KRT222: variants seen among roughly 807,000 people sequenced by gnomAD.
The protein encoded by KRT222 is keratin-like protein KRT222.
A neutral mutation model predicts 35.0 loss-of-function variants in KRT222; 23 were observed. The ratio of observed to expected loss-of-function variants is 0.66; its 90% CI spans 0.47 to 0.93. The LOEUF (loss-of-function observed/expected upper bound fraction) is 0.93. Ranked by LOEUF, KRT222 falls within the 40% of genes least tolerant of loss-of-function variation. The probability of loss-of-function intolerance (pLI) is 0.00; values close to 1 mark genes in which losing one functional copy is unlikely to be tolerated. For synonymous variants in KRT222, 108 were observed against 118.8 expected (o/e 0.91, Z 0.59); for missense variants, 339 against 346.3 (o/e 0.98, Z 0.17).
intron 1 of KRT222, among the ~76,000 whole-genome samples, chr17:40,664,738 G>A (rs1056986998): frequency 2.0e-5 from 3 of 152,188 alleles, no homozygotes; most frequent in African/African-American, 7.2e-5. Context: ...TTTATGGTAT[G>A]TTGACCCCAT....
intron 2 of KRT222, among the ~76,000 whole-genome samples, chr17:40,660,749 T>C (rs2037378424): frequency 2.4e-5 from 2 of 82,862 alleles, no homozygotes; most frequent in East Asian, 7.0e-4. Context: ...CCTGTGATAA[T>C]TCTTACTGAA....
chr17:40,656,337 G>A lies in KRT222; in HGVS notation c.*65C>T, dbSNP rs1044386510. 9.2e-7 allele frequency: 1 copy of A among 1,083,740 alleles called. No homozygotes were observed. The highest frequency in any genetic ancestry group is 1.5e-5 in the African/African-American group (1 of 64,654). 67.1% of individuals were successfully genotyped at this position (1,083,740 alleles called of 1,614,324 possible). A position where few individuals can be genotyped will look rare whatever the true frequency, so the allele number is the denominator to read the frequency against. On this transcript the variant is annotated 3_prime_UTR_variant, in exon 6 of 6. Coordinates refer to ENST00000394052, the MANE Select transcript of KRT222 (RefSeq NM_152349.3). Reference sequence around the variant, plus strand: ...AATAACTTACATTTTGGGACAGAGGGAGTTGGTATGGCCCACCTTGGTCCA... The same window carrying A: ...AATAACTTACATTTTGGGACAGAGGAAGTTGGTATGGCCCACCTTGGTCCA...
At chr17:40,662,169 G>A (rs2037388292) in intron 1 of KRT222, 125 bp from the exon 2 acceptor site, 1 of 1,200,078 alleles carries the variant, frequency 8.3e-7, no homozygotes, top group Non-Finnish European at 1.2e-6. Context: ...TAACTCATTA[G>A]ATTATAATGT....
intron 5 of KRT222, 132 bp from the exon 6 acceptor site, chr17:40,656,762 A>G (rs2037347440): frequency 3.7e-6 from 2 of 547,328 alleles, no homozygotes; most frequent in Non-Finnish European, 6.4e-6. Flanking sequence ...TATAATGTAC[A>G]TACTTTAAAA....
intron 5 of KRT222, 77 bp downstream of exon 5, chr17:40,657,275 T>A: frequency 4.1e-6 from 4 of 981,990 alleles, no homozygotes; most frequent in Non-Finnish European, 4.2e-6. Context: ...CAAAGAAGAG[T>A]AATTACTGGG....
rs1165294418 is a variant in KRT222, at chr17:40,655,734, A to C, written c.*668T>G. 6.6e-6 allele frequency: 1 copy of C among 152,126 alleles called. No individual in the cohort carries two copies. Among genetic ancestry groups the C allele is most frequent in the Non-Finnish European group, 1.5e-5 (1 of 67,986 alleles). 9.4% of individuals were successfully genotyped at this position (152,126 alleles called of 1,614,324 possible). A position where few individuals can be genotyped will look rare whatever the true frequency, so the allele number is the denominator to read the frequency against. Reference sequence around the variant, plus strand: ...AAATCAGATACTTATTACAAAAAAAACCTTTTAGATATATGTAGATTAACT... The same window carrying C: ...AAATCAGATACTTATTACAAAAAAACCCTTTTAGATATATGTAGATTAACT... On this transcript the variant is annotated 3_prime_UTR_variant, in exon 6 of 6. Transcript: ENST00000394052.
rs762412972 is a variant in KRT222, at chr17:40,657,368, C to G, written c.643G>C (p.Ala215Pro). The G allele has an allele frequency of 1.9e-6, 3 of 1,598,358 alleles. No homozygotes were observed. Among genetic ancestry groups the G allele is most frequent in the Non-Finnish European group, 2.6e-6 (3 of 1,173,680 alleles). ...TTTACTTACTGAATAGTGCCATGAG[C>G]TTCAGTGCTCTCCTTAACGATACTC... is the stretch of plus-strand genomic sequence containing the variant. The part of the protein sequence containing the change: ...NGSIVKESTE[A>P]HGTIQTEKVD... The change falls in exon 5 of 6, where the codon GCT becomes CCT. Residue 215 changes from alanine (A) to proline (P), a missense_variant. Coordinates refer to ENST00000394052, the MANE Select transcript of KRT222 (RefSeq NM_152349.3).
At chr17:40,659,482 G>C (rs758152128) in intron 3 of KRT222, among the ~76,000 whole-genome samples, 6 of 152,022 alleles carry the variant, frequency 3.9e-5, no homozygotes, top group Non-Finnish European at 5.9e-5. Context: ...GCTCAGGAAA[G>C]GTCTTTTTCA....
chr17:40,660,123 G>C lies in KRT222; in HGVS notation c.310C>G (p.Leu104Val). The change falls in exon 3 of 6, where the codon CTA becomes GTA. Residue 104 changes from leucine to valine, a missense_variant. Transcript: ENST00000394052. ...LQDLETVIEG[L>V]EKELQEVRRG... is the part of the protein sequence containing the mutation. ...CTTACTTCCTGTAGCTCTTTTTCTAGTCCTTCAATCACAGTCTCTAGGTCT... is the reference window on the plus strand; with the variant it reads ...CTTACTTCCTGTAGCTCTTTTTCTACTCCTTCAATCACAGTCTCTAGGTCT... 6.2e-7 allele frequency: 1 copy of C among 1,614,028 alleles called. No homozygotes were observed. Among genetic ancestry groups the C allele is most frequent in the Non-Finnish European group, 8.5e-7 (1 of 1,180,006 alleles).
Position 40,656,592 on chromosome 17 carries a change from C to A in KRT222, c.698G>T (p.Gly233Val), listed in dbSNP as rs1330723234. ...KVDEVIKEWE[G>V]SFFKDNPRLR... The stretch of plus-strand genomic sequence containing the variant: ...TCGAGGGTTATCTTTAAAGAAAGAA[C>A]CTTCCCATTCTTTAATAACTTCATC... Residue 233 changes from glycine to valine, a missense_variant, in exon 6 of 6, where the codon GGT (glycine) becomes GTT (valine). Physicochemically the swap from Gly to Val is moderately radical, Grantham distance 109 (BLOSUM62 -3). Coordinates refer to ENST00000394052, the MANE Select transcript of KRT222 (RefSeq NM_152349.3). The A allele has an allele frequency of 6.2e-7, 1 of 1,611,524 alleles. No individual in the cohort carries two copies. The highest frequency in any genetic ancestry group is 1.3e-5 in the African/African-American group (1 of 74,960).
chr17:40,659,352 T>C (rs1389305112), intron 3 of KRT222, among the ~76,000 whole-genome samples: 1 of 151,814 alleles, frequency 6.6e-6, no homozygotes, highest in Non-Finnish European at 1.5e-5. Context: ...GTTTTTTTCT[T>C]TTAGTAGAGA....
Position 40,657,368 on chromosome 17 carries a change from C to A in KRT222, c.643G>T (p.Ala215Ser). The A allele has an allele frequency of 1.3e-6, 2 of 1,598,358 alleles. No individual in the cohort carries two copies. Among genetic ancestry groups the A allele is most frequent in the African/African-American group, 2.7e-5 (2 of 74,486 alleles). Reference protein sequence around the residue: ...NGSIVKESTEAHGTIQTEKVD... With the variant: ...NGSIVKESTESHGTIQTEKVD... Reference sequence around the variant, plus strand: ...TTTACTTACTGAATAGTGCCATGAGCTTCAGTGCTCTCCTTAACGATACTC... The same window carrying A: ...TTTACTTACTGAATAGTGCCATGAGATTCAGTGCTCTCCTTAACGATACTC... The change falls in exon 5 of 6, where the codon GCT becomes TCT. Residue 215 changes from alanine to serine, a missense_variant. Physicochemically the swap from Ala to Ser is moderately conservative, Grantham distance 99 (BLOSUM62 1). Transcript: ENST00000394052.
chr17:40,658,951 T>C (rs1045923750), intron 3 of KRT222, among the ~76,000 whole-genome samples: 1 of 152,224 alleles, frequency 6.6e-6, no homozygotes, highest in Admixed American at 6.5e-5. Flanking sequence ...CTTTCCGTGG[T>C]TGTAATATAA....
At position 40,659,984 on chromosome 17, in the gene KRT222, T is replaced by C; in HGVS notation, c.446+3A>G. 1 of 1,612,780 alleles carries C rather than the reference T, an allele frequency of 6.2e-7. No individual in the cohort carries two copies. The highest frequency in any genetic ancestry group is 8.5e-7 in the Non-Finnish European group (1 of 1,178,922). ...TTGTCATTAACTAAATGGATTTAGG[T>C]ACCTGATTTCTTCTTTTTCTAGGAG... On this transcript the variant is annotated splice_donor_region_variant and intron_variant, in intron 3 of 5. Coordinates refer to ENST00000394052, the MANE Select transcript of KRT222 (RefSeq NM_152349.3).
chr17:40,658,327 CCATT>C (rs2144030667), intron 3 of KRT222, among the ~76,000 whole-genome samples: 1 of 151,810 alleles, frequency 6.6e-6, no homozygotes, highest in South Asian at 2.1e-4. Flanking sequence ...AAATTCACAA[CCATT>C]CATTTTATTT....
chr17:40,664,887 C>A, intron 1 of KRT222, 117 bp downstream of exon 1: 1 of 1,544,982 alleles, frequency 6.5e-7, no homozygotes, highest in Non-Finnish European at 8.7e-7. Flanking sequence ...AATTCCTTCC[C>A]CAATAGATGC....
chr17:40,663,558 A>G lies in KRT222; in HGVS notation c.96+1446T>C, dbSNP rs2037400099. Among the ~76,000 whole-genome samples the G allele has an allele frequency of 1.3e-5, 2 of 152,244 alleles. 1 individual carries two copies. The highest frequency in any genetic ancestry group is 4.1e-4 in the South Asian group (2 of 4,838). ...GCAATGCCCTGCCAAAGTGCCAGAC[A>G]CATAAGTGAGCCCAGTCATGCCCCA... On this transcript the variant is annotated intron_variant, in intron 1 of 5. Coordinates refer to ENST00000394052, the MANE Select transcript of KRT222 (RefSeq NM_152349.3).
intron 3 of KRT222, 54 bp downstream of exon 3, chr17:40,659,933 A>G (rs547184639): frequency 4.2e-6 from 6 of 1,445,384 alleles, no homozygotes; most frequent in East Asian, 2.3e-5. Context: ...CAACAATGGC[A>G]TAAGTGGCTC....
At chr17:40,664,795 A>G in intron 1 of KRT222, 1 of 769,000 alleles carries the variant, frequency 1.3e-6, no homozygotes, top group South Asian at 2.0e-5. Context: ...AAATGCATCA[A>G]TCAACACTTA....
Sources: allele counts gnomAD v4.1 joint callset (sites outside exome capture counted in the v4.1 genomes callset), GRCh38; gene constraint gnomAD v4.1.1; transcripts MANE v1.5; gene names NCBI Gene and HGNC (gene_info 2026-07-23, HGNC 2026-07-21).